SPOP: variants seen among roughly 807,000 people sequenced by gnomAD.
SPOP encodes speckle type BTB/POZ protein.
SPOP carries 11 observed loss-of-function variants against 45.6 expected under a neutral mutation model. The observed-to-expected ratio is 0.24, with a 90% CI of 0.15 to 0.40. The LOEUF (loss-of-function observed/expected upper bound fraction) is 0.40, where lower values mean the gene tolerates loss of function less well. SPOP is among the 10% of genes least tolerant of loss of function. The probability of loss-of-function intolerance (pLI) is 1.00; values close to 1 mark genes in which losing one functional copy is unlikely to be tolerated. For synonymous variants in SPOP, 166 were observed against 166.3 expected, an observed-to-expected ratio of 1.00 and a Z score of 0.01; for missense variants, 152 against 465.6, an observed-to-expected ratio of 0.33 and a Z score of 6.20.
intron 5 of SPOP, among the ~76,000 whole-genome samples, chr17:49,614,053 T>C (rs1296096385): frequency 1.3e-5 from 2 of 152,206 alleles, no homozygotes; most frequent in African/African-American, 4.8e-5. Flanking sequence ...TCAATCCTTT[T>C]CTTAAAAAAA....
intron 1 of SPOP, among the ~76,000 whole-genome samples, chr17:49,638,674 G>C (rs1010607176): frequency 1.3e-5 from 2 of 152,130 alleles, no homozygotes; most frequent in Non-Finnish European, 2.9e-5. Context: ...GACTATAATA[G>C]GTTTTGGTAA....
intron 1 of SPOP, chr17:49,636,368 T>C (rs1193983635): frequency 1.3e-5 from 2 of 152,138 alleles, no homozygotes; most frequent in Admixed American, 6.6e-5. Context: ...TTATCAACCA[T>C]TGATTAAAAA....
intron 8 of SPOP, 116 bp downstream of exon 8, chr17:49,607,134 T>C: frequency 7.3e-7 from 1 of 1,367,452 alleles, no homozygotes; most frequent in Non-Finnish European, 1.0e-6. Flanking sequence ...AGGACCGTCT[T>C]GGCCAAACCA....
chr17:49,655,860 G>C (rs2072906284), intron 1 of SPOP, among the ~76,000 whole-genome samples: 1 of 152,068 alleles, frequency 6.6e-6, no homozygotes, highest in African/African-American at 2.4e-5. Context: ...GCCCAGGCTG[G>C]AGTATAATAG....
At chr17:49,622,678 C>T (rs1221842803) in intron 2 of SPOP, 55 bp downstream of exon 2, 28 of 1,489,354 alleles carry the variant, frequency 1.9e-5, no homozygotes, top group Non-Finnish European at 2.5e-5. Context: ...CTACTCCTTT[C>T]GTCCACCAAA....
intron 1 of SPOP, among the ~76,000 whole-genome samples, chr17:49,635,632 C>CTTTT (rs11451249): frequency 1.8e-4 from 22 of 121,638 alleles, no homozygotes; most frequent in Non-Finnish European, 2.9e-4. Context: ...AGGTATCTCT[C>CTTTT]TTTTTTTTTT....
At chr17:49,625,167 C>T (rs1209873724) in intron 1 of SPOP, among the ~76,000 whole-genome samples, 2 of 152,062 alleles carry the variant, frequency 1.3e-5, no homozygotes, top group Admixed American at 6.6e-5. Context: ...AAACGCTAAA[C>T]GTGGGCACAA....
At chr17:49,652,866 A>T (rs141937725) in intron 1 of SPOP, among the ~76,000 whole-genome samples, 1 of 152,230 alleles carries the variant, frequency 6.6e-6, no homozygotes, top group Non-Finnish European at 1.5e-5. Context: ...GGAAGAGTTA[A>T]AACTACCACT....
chr17:49,649,128 C>T (rs191045560), intron 1 of SPOP, among the ~76,000 whole-genome samples: 17 of 152,276 alleles, frequency 1.1e-4, no homozygotes, highest in African/African-American at 3.8e-4. Context: ...TTAGGTCTCT[C>T]TTTTTAAAAA....
At chr17:49,622,561 T>C in intron 2 of SPOP, 172 bp downstream of exon 2, 1 of 617,532 alleles carries the variant, frequency 1.6e-6, no homozygotes, top group South Asian at 2.0e-5. Flanking sequence ...GGAATTTAGA[T>C]TCCACATGGA....
chr17:49,636,397 T>C (rs1266492490), intron 1 of SPOP: 1 of 152,200 alleles, frequency 6.6e-6, no homozygotes, highest in African/African-American at 2.4e-5. Context: ...CAAATATCAT[T>C]TCTCCCCTCC....
chr17:49,647,148 T>C (rs184716644), intron 1 of SPOP, among the ~76,000 whole-genome samples: 1 of 150,760 alleles, frequency 6.6e-6, no homozygotes, highest in Admixed American at 6.6e-5. Context: ...AAAAAAAAAT[T>C]AGCCAGGTGT....
At chr17:49,614,736 A>G (rs1347821534) in intron 5 of SPOP, among the ~76,000 whole-genome samples, 1 of 152,174 alleles carries the variant, frequency 6.6e-6, no homozygotes, top group Non-Finnish European at 1.5e-5. Flanking sequence ...TTAAAGGATA[A>G]AAAGGTAAAA....
At chr17:49,658,431 G>A (rs947530323) in intron 1 of SPOP, among the ~76,000 whole-genome samples, 7 of 152,242 alleles carry the variant, frequency 4.6e-5, no homozygotes, top group Admixed American at 3.3e-4. Context: ...TTCATGTGGA[G>A]TGCATTACTC....
At chr17:49,644,809 A>C (rs2072724698) in intron 1 of SPOP, among the ~76,000 whole-genome samples, 1 of 152,198 alleles carries the variant, frequency 6.6e-6, no homozygotes. Context: ...GTAAAGCAAT[A>C]CATTTTCATA....
At chr17:49,670,145 C>A (rs760602326) in intron 1 of SPOP, among the ~76,000 whole-genome samples, 10 of 152,196 alleles carry the variant, frequency 6.6e-5, no homozygotes, top group Non-Finnish European at 1.2e-4. Flanking sequence ...CATAGAGTAC[C>A]TAGGCAACTC....
chr17:49,618,883 G>A, intron 5 of SPOP, 98 bp downstream of exon 5: 1 of 1,412,370 alleles, frequency 7.1e-7, no homozygotes, highest in Non-Finnish European at 9.5e-7. Context: ...TCCACTTGGG[G>A]CTTTTTCTTA....
chr17:49,607,455 A>G, intron 7 of SPOP, 83 bp from the exon 8 acceptor site: 3 of 1,503,560 alleles, frequency 2.0e-6, no homozygotes, highest in Non-Finnish European at 2.7e-6. Context: ...TTTAAGCTCT[A>G]GTGAGGAGAG....
chr17:49,656,538 A>G (rs1449838763), intron 1 of SPOP, among the ~76,000 whole-genome samples: 1 of 152,208 alleles, frequency 6.6e-6, no homozygotes, highest in African/African-American at 2.4e-5. Context: ...CAGCTCATAC[A>G]TACAACCATA....
Sources: gnomAD v4.1 joint callset for allele counts (sites outside exome capture counted in the v4.1 genomes callset) on GRCh38, gnomAD v4.1.1 for gene constraint, MANE v1.5 for transcripts, NCBI Gene and HGNC (gene_info 2026-07-23, HGNC 2026-07-21) for gene names.